The following CDKAL1 variants were observed in gnomAD, a reference collection of about 807,000 sequenced individuals.
CDKAL1 encodes CDKAL1 threonylcarbamoyladenosine tRNA methylthiotransferase, also known as threonylcarbamoyladenosine tRNA methylthiotransferase.
In CDKAL1, 32 loss-of-function variants were observed where a neutral mutation model predicts 68.2. That is an observed-to-expected ratio of 0.47 (90% CI 0.35 to 0.63). The LOEUF (loss-of-function observed/expected upper bound fraction) is 0.63. Among genes scored for constraint, CDKAL1 ranks in the 30% least tolerant of loss-of-function variants. The probability of loss-of-function intolerance (pLI) is 0.00; values close to 1 mark genes in which losing one functional copy is unlikely to be tolerated. For missense variants in CDKAL1, 606 were observed against 696.7 expected (o/e 0.87, Z 1.47); for synonymous variants, 234 against 244.3 (o/e 0.96, Z 0.39).
At chr6:20,739,666 G>A (rs1330088571) in intron 6 of CDKAL1, 51 bp downstream of exon 6, 1 of 963,766 alleles carries the variant, frequency 1.0e-6, no homozygotes, top group African/African-American at 1.6e-5. Context: ...GTTAACACCT[G>A]TAATAGCTCC....
intron 13 of CDKAL1, among the ~76,000 whole-genome samples, chr6:21,134,536 A>G (rs1775483081): frequency 6.6e-6 from 1 of 152,206 alleles, no homozygotes; most frequent in Admixed American, 6.5e-5. Flanking sequence ...GAATTATACT[A>G]TTGCAGAATA....
intron 9 of CDKAL1, among the ~76,000 whole-genome samples, chr6:20,846,537 C>A (rs1778382465): frequency 6.6e-6 from 1 of 152,162 alleles, no homozygotes; most frequent in South Asian, 2.1e-4. Context: ...GATTTTTCAT[C>A]TCTTTCTTTG....
chr6:21,190,365 T>G lies in CDKAL1; in HGVS notation c.1300-7656T>G, dbSNP rs186031450. ...ACAGGAACTTTTGATATGTGTGGGG[T>G]TTTTTTTGTTTTTTTTTTTGAGACG... On this transcript the variant is annotated intron_variant, in intron 13 of 15. Coordinates refer to ENST00000274695, the MANE Select transcript of CDKAL1 (RefSeq NM_017774.3). Among the ~76,000 whole-genome samples, 243 of 150,530 alleles carry G rather than the reference T, an allele frequency of 1.6e-3. 2 individuals are homozygous for G. The highest frequency in any genetic ancestry group is 5.2e-3 in the African/African-American group (211 of 40,852).
At position 20,807,186 on chromosome 6, in the gene CDKAL1, GTTAT is replaced by G. The variant is rs1278860642; in HGVS notation, c.638+25936_638+25939del. On this transcript the variant is annotated intron_variant, in intron 8 of 15. Transcript: ENST00000274695. ...GGTTTAGTAATGGCAAAGTTTTACT[GTTAT>G]TTATTTATTTATTTTTGAGGTCAGG... Among the ~76,000 whole-genome samples, 5 of 151,460 alleles carry G rather than the reference GTTAT, an allele frequency of 3.3e-5. No homozygotes were observed. In the East Asian group the frequency reaches 7.8e-4, roughly 24 times the overall value.
At chr6:20,733,143 C>G (rs1420577316) in intron 5 of CDKAL1, among the ~76,000 whole-genome samples, 3 of 152,140 alleles carry the variant, frequency 2.0e-5, no homozygotes, top group Non-Finnish European at 4.4e-5. Context: ...GGGAAAACCA[C>G]TTCTCCTGCA....
chr6:21,157,019 A>G (rs543574046), intron 13 of CDKAL1, among the ~76,000 whole-genome samples: 1 of 152,222 alleles, frequency 6.6e-6, no homozygotes, highest in Admixed American at 6.5e-5. Flanking sequence ...TTTCTGCGCC[A>G]TATTCTTTGT....
chr6:20,826,047 T>C (rs1434104371), intron 8 of CDKAL1, among the ~76,000 whole-genome samples: 1 of 152,202 alleles, frequency 6.6e-6, no homozygotes, highest in Non-Finnish European at 1.5e-5. Context: ...ATTATATCAT[T>C]TCCTTTTCAA....
chr6:20,970,480 C>T (rs1765537743), intron 10 of CDKAL1, among the ~76,000 whole-genome samples: 3 of 152,166 alleles, frequency 2.0e-5, no homozygotes, highest in Non-Finnish European at 4.4e-5. Flanking sequence ...TTTACTCCAC[C>T]ATTCCTGCTG....
At chr6:20,859,316 G>A (rs1759494395) in intron 9 of CDKAL1, among the ~76,000 whole-genome samples, 1 of 151,904 alleles carries the variant, frequency 6.6e-6, no homozygotes, top group Non-Finnish European at 1.5e-5. Context: ...GAAAAAAAAT[G>A]GTGTTATGAA....
chr6:20,783,733 A>G (rs924650675), intron 8 of CDKAL1, among the ~76,000 whole-genome samples: 1 of 152,142 alleles, frequency 6.6e-6, no homozygotes, highest in African/African-American at 2.4e-5. Flanking sequence ...ACACTATGTC[A>G]TTTGTATCTT....
intron 4 of CDKAL1, among the ~76,000 whole-genome samples, chr6:20,563,876 A>G (rs1354043623): frequency 1.3e-5 from 2 of 152,202 alleles, no homozygotes; most frequent in Non-Finnish European, 2.9e-5. Context: ...TTCATTGCTT[A>G]TAATACAGAA....
chr6:21,190,134 A>T (rs982695983), intron 13 of CDKAL1, among the ~76,000 whole-genome samples: 3 of 148,612 alleles, frequency 2.0e-5, no homozygotes, highest in Non-Finnish European at 4.5e-5. Context: ...TTAGGGGGGA[A>T]AAAAAAAAAC....
intron 4 of CDKAL1, among the ~76,000 whole-genome samples, chr6:20,599,206 A>G (rs960842788): frequency 1.6e-5 from 2 of 125,020 alleles, no homozygotes; most frequent in East Asian, 1.9e-4. Flanking sequence ...ATATACGTAC[A>G]TATTATAAGT....
chr6:20,918,844 A>G (rs768188201), intron 9 of CDKAL1, among the ~76,000 whole-genome samples: 6 of 152,274 alleles, frequency 3.9e-5, no homozygotes, highest in African/African-American at 1.2e-4. Flanking sequence ...GTTTGTCCCT[A>G]TAAGATGCTG....
intron 4 of CDKAL1, among the ~76,000 whole-genome samples, chr6:20,586,255 G>GAAAACCACACAGAAGA: frequency 6.6e-6 from 1 of 152,164 alleles, no homozygotes; most frequent in African/African-American, 2.4e-5. Context: ...TCCACACAGT[G>GAAAACCACACAGAAGA]ATCAGAGATT....
At chr6:21,118,498 G>A (rs1202047132) in intron 13 of CDKAL1, among the ~76,000 whole-genome samples, 3 of 152,126 alleles carry the variant, frequency 2.0e-5, no homozygotes, top group Non-Finnish European at 4.4e-5. Context: ...CCAGATTTCT[G>A]TTTACAAAGA....
chr6:20,878,164 A>G (rs1760623324), intron 9 of CDKAL1, among the ~76,000 whole-genome samples: 1 of 152,166 alleles, frequency 6.6e-6, no homozygotes, highest in Admixed American at 6.5e-5. Flanking sequence ...TGTCGCCCCT[A>G]CTAGACTGTA....
chr6:20,801,080 G>C (rs1299669782), intron 8 of CDKAL1, among the ~76,000 whole-genome samples: 2 of 151,926 alleles, frequency 1.3e-5, no homozygotes, highest in Non-Finnish European at 2.9e-5. Context: ...ATCACACCTG[G>C]CTAATTATTT....
chr6:20,849,043 C>T (rs1055761009), intron 9 of CDKAL1, among the ~76,000 whole-genome samples: 1 of 151,808 alleles, frequency 6.6e-6, no homozygotes, highest in Non-Finnish European at 1.5e-5. Flanking sequence ...CCTTGGCCTC[C>T]CAAAGTGCTG....
Sources: allele counts gnomAD v4.1 joint callset (sites outside exome capture counted in the v4.1 genomes callset), GRCh38; gene constraint gnomAD v4.1.1; transcripts MANE v1.5; gene names NCBI Gene and HGNC (gene_info 2026-07-23, HGNC 2026-07-21).